CAPN13: variants seen among roughly 807,000 people sequenced by gnomAD.
The protein encoded by CAPN13 is calpain 13, also known as calpain-13.
A neutral mutation model predicts 98.4 loss-of-function variants in CAPN13; 90 were observed. The ratio of observed to expected loss-of-function variants is 0.92; its 90% CI spans 0.77 to 1.09. The LOEUF is 1.09. Ranked by LOEUF, CAPN13 falls within the 50% of genes least tolerant of loss-of-function variation. The probability of loss-of-function intolerance (pLI) is 0.00; values close to 1 mark genes in which losing one functional copy is unlikely to be tolerated. For synonymous variants in CAPN13, 330 were observed against 305.5 expected (o/e 1.08, Z -0.84); for missense variants, 887 against 841.3 (o/e 1.05, Z -0.67).
intron 2 of CAPN13, among the ~76,000 whole-genome samples, chr2:30,778,468 C>T (rs1398581439): frequency 3.9e-5 from 6 of 152,210 alleles, no homozygotes; most frequent in Non-Finnish European, 5.9e-5. Flanking sequence ...ATGACCTCGG[C>T]CTCCTCTCTG....
chr2:30,766,287 G>A lies in CAPN13; in HGVS notation c.525-1981C>T, dbSNP rs75067083. On this transcript the variant is annotated intron_variant, in intron 5 of 22. Coordinates refer to ENST00000295055, the MANE Select transcript of CAPN13 (RefSeq NM_144575.3). ...TCACTGCCTGTGGGCCCCACCTGAC[G>A]TCCTGCACCCACAGCATCCGGCAGT... Among the ~76,000 whole-genome samples the A allele has an allele frequency of 3.3e-3, 508 of 152,300 alleles. 9 individuals carry two copies. In the East Asian group the frequency reaches 0.063, roughly 19 times the overall value.
chr2:30,803,396 T>C (rs985634377), intron 1 of CAPN13, among the ~76,000 whole-genome samples: 1 of 152,094 alleles, frequency 6.6e-6, no homozygotes, highest in African/African-American at 2.4e-5. Flanking sequence ...CTGAACTGTG[T>C]GGGAGGTGCT....
chr2:30,800,950 C>T (rs1483100715), intron 1 of CAPN13, among the ~76,000 whole-genome samples: 1 of 152,174 alleles, frequency 6.6e-6, no homozygotes. Context: ...TCAGATTTCC[C>T]AGCATGGTTT....
intron 15 of CAPN13, 192 bp downstream of exon 15, chr2:30,741,716 T>C: frequency 7.0e-7 from 1 of 1,437,998 alleles, no homozygotes; most frequent in East Asian, 2.5e-5. Context: ...TGACACTGGG[T>C]GGGGCGCCAC....
In CAPN13 at chr2:30,745,708, G is replaced by A. The variant is rs758390182; in HGVS notation, c.1248+15C>T. The A allele has an allele frequency of 5.0e-6, 8 of 1,596,516 alleles. No individual in the cohort carries two copies. In the Admixed American group the frequency reaches 6.7e-5, roughly 13 times the overall value. ...AGCAGCAGAGGCGCAGGGCAAGGAC[G>A]ACGCTGAGCCATACCTGTGAGCCAG... On this transcript the variant is annotated intron_variant, in intron 12 of 22. Transcript: ENST00000295055.
chr2:30,742,695 TAGA>T (rs1337489577), intron 13 of CAPN13, among the ~76,000 whole-genome samples: 4 of 152,126 alleles, frequency 2.6e-5, no homozygotes, highest in African/African-American at 7.2e-5. Flanking sequence ...ATGCTGGACT[TAGA>T]AGGTCTCACC....
chr2:30,793,145 T>A (rs887940385), intron 1 of CAPN13, among the ~76,000 whole-genome samples: 1 of 151,750 alleles, frequency 6.6e-6, no homozygotes, highest in African/African-American at 2.4e-5. Context: ...GTTGTGAAGG[T>A]CCTAGCCAAT....
At chr2:30,792,105 T>A (rs1264249747) in intron 1 of CAPN13, among the ~76,000 whole-genome samples, 1 of 152,102 alleles carries the variant, frequency 6.6e-6, no homozygotes. Context: ...TTTTAAATAA[T>A]TTATGAGTCA....
intron 1 of CAPN13, among the ~76,000 whole-genome samples, chr2:30,802,241 T>C (rs1675324729): frequency 6.6e-6 from 1 of 152,058 alleles, no homozygotes; most frequent in South Asian, 2.1e-4. Context: ...CATTCCCTTT[T>C]CTGACCAGGT....
intron 2 of CAPN13, among the ~76,000 whole-genome samples, chr2:30,785,371 TACA>T (rs1674218154): frequency 6.6e-6 from 1 of 152,172 alleles, no homozygotes; most frequent in African/African-American, 2.4e-5. Context: ...TGGAAAGTAC[TACA>T]CAAAGGTAAG....
At position 30,732,360 on chromosome 2, in the gene CAPN13, G is replaced by A. The variant is rs191465722; in HGVS notation, c.1927+78C>T. The A allele has an allele frequency of 1.7e-4, 274 of 1,576,396 alleles. 1 individual carries two copies. In the African/African-American group the frequency reaches 2.9e-3, roughly 17 times the overall value. ...TGAGGCCTCACGCAGACCTGGGGTG[G>A]GGTAGGGGGTGTCCGGTCCTCTCCT... On this transcript the variant is annotated intron_variant, in intron 20 of 22. Coordinates refer to ENST00000295055, the MANE Select transcript of CAPN13 (RefSeq NM_144575.3).
chr2:30,738,224 G>T lies in CAPN13; in HGVS notation c.1653+11C>A. 1.9e-6 allele frequency: 3 copies of T among 1,613,778 alleles called. No homozygotes were observed. Among genetic ancestry groups the T allele is most frequent in the African/African-American group, 1.3e-5 (1 of 75,024 alleles). On this transcript the variant is annotated intron_variant, in intron 17 of 22. Coordinates refer to ENST00000295055, the MANE Select transcript of CAPN13 (RefSeq NM_144575.3). ...TGCTCAGAGCATGGGAGGGATGACC[G>T]CAAAGGATACTTCCATCAGAGCCAC...
chr2:30,742,011 G>C (rs896750826), intron 14 of CAPN13, 47 bp from the exon 15 acceptor site: 1 of 1,554,208 alleles, frequency 6.4e-7, no homozygotes, highest in Non-Finnish European at 8.9e-7. Context: ...GGGGAAGGAG[G>C]CCACCCATCT....
chr2:30,785,840 T>C (rs1238848860), intron 2 of CAPN13, among the ~76,000 whole-genome samples: 1 of 152,222 alleles, frequency 6.6e-6, no homozygotes, highest in African/African-American at 2.4e-5. Context: ...AATAGAATTC[T>C]CTGCTTCAGC....
intron 7 of CAPN13, among the ~76,000 whole-genome samples, chr2:30,760,134 G>T (rs1161414094): frequency 6.6e-6 from 1 of 152,170 alleles, no homozygotes; most frequent in Non-Finnish European, 1.5e-5. Flanking sequence ...CCAGGCTGGA[G>T]TGCAGTGGCA....
intron 11 of CAPN13, among the ~76,000 whole-genome samples, chr2:30,749,500 C>T (rs183470651): frequency 3.3e-5 from 5 of 152,294 alleles, no homozygotes; most frequent in Admixed American, 6.5e-5. Flanking sequence ...CACTGACACC[C>T]AAGGCTGTGA....
At chr2:30,746,542 C>G (rs1671920885) in intron 11 of CAPN13, 2 of 164,466 alleles carry the variant, frequency 1.2e-5, no homozygotes, top group Non-Finnish European at 2.7e-5. Context: ...CGGCCCTTTC[C>G]AAGGCCATGG....
chr2:30,782,177 T>G (rs749891168), intron 2 of CAPN13, among the ~76,000 whole-genome samples: 1 of 152,302 alleles, frequency 6.6e-6, no homozygotes, highest in Non-Finnish European at 1.5e-5. Context: ...CGGAGAAATA[T>G]GCCAAGAAAT....
intron 17 of CAPN13, 129 bp downstream of exon 17, chr2:30,738,106 C>T: frequency 1.1e-6 from 1 of 938,480 alleles, no homozygotes; most frequent in South Asian, 1.4e-5. Context: ...TCCCCAGAAA[C>T]TCAAGGACAG....
Sources: gnomAD v4.1 joint callset for allele counts (sites outside exome capture counted in the v4.1 genomes callset) on GRCh38, gnomAD v4.1.1 for gene constraint, MANE v1.5 for transcripts, NCBI Gene and HGNC (gene_info 2026-07-23, HGNC 2026-07-21) for gene names.